The following TP53BP1 variants were observed in gnomAD, a reference collection of about 807,000 sequenced individuals.
TP53BP1 encodes the protein tumor protein p53 binding protein 1.
In TP53BP1, 61 loss-of-function variants were observed where a neutral mutation model predicts 200.8. The ratio of observed to expected loss-of-function variants is 0.30; its 90% CI spans 0.25 to 0.38. The LOEUF is 0.38. TP53BP1 is among the 10% of genes least tolerant of loss of function. TP53BP1 has a pLI of 1.00. For synonymous variants in TP53BP1, 822 were observed against 844.3 expected, an observed-to-expected ratio of 0.97 and a Z score of 0.46; for missense variants, 2,144 against 2,371.9, an observed-to-expected ratio of 0.90 and a Z score of 2.00.
chr15:43,457,207 A>C lies in TP53BP1; in HGVS notation c.1401T>G (p.Ile467Met), dbSNP rs758267028. The change falls in exon 12 of 28, where the codon ATT becomes ATG. Residue 467 changes from isoleucine (I) to methionine (M), a missense_variant. This residue lies in a region of TP53BP1 where 1,700 missense variants were observed against 1,710.3 expected (regional missense o/e 0.99). Coordinates refer to ENST00000382044, the MANE Select transcript of TP53BP1 (RefSeq NM_001141980.3). ...ATTGTTCTTCCAGACTTGGGGAAGG[A>C]ATAAAAATGTCCTAAGGAAGAACAG... ...SQPQFSHDIF[I>M]PSPSLEEQSN... 1 of 1,605,610 alleles carries C rather than the reference A, an allele frequency of 6.2e-7. No individual in the cohort carries two copies. Among genetic ancestry groups the C allele is most frequent in the South Asian group, 1.1e-5 (1 of 89,706 alleles).
Position 43,406,335 on chromosome 15 carries a change from A to G in TP53BP1, c.*1048T>C. 7.0e-6 allele frequency: 2 copies of G among 284,510 alleles called. No homozygotes were observed. The highest frequency in any genetic ancestry group is 1.4e-5 in the Non-Finnish European group (2 of 143,132). The allele number at this position is 284,510 out of a possible 1,614,324, so 17.6% of individuals were successfully genotyped here. The stretch of plus-strand genomic sequence containing the variant: ...CACTGCATCTGGTTTTCATCACTAC[A>G]TATTCTACACACACTGGGAAGCTCT... On this transcript the variant is annotated 3_prime_UTR_variant, in exon 28 of 28. Transcript: ENST00000382044.
At chr15:43,423,048 G>A (rs2045442201) in intron 18 of TP53BP1, among the ~76,000 whole-genome samples, 1 of 149,298 alleles carries the variant, frequency 6.7e-6, no homozygotes. Flanking sequence ...GAAAAATGAA[G>A]GACAAAAAGG....
In TP53BP1 at chr15:43,480,968, TTC is replaced by T. The variant is rs1163711802; in HGVS notation, c.424_425del (p.Glu142ArgfsTer24). The T allele has an allele frequency of 6.2e-7, 1 of 1,614,080 alleles. No homozygotes were observed. Among genetic ancestry groups the T allele is most frequent in the Non-Finnish European group, 8.5e-7 (1 of 1,179,972 alleles). The part of the protein sequence containing the change: ...SAPAVEEEKG[E>X]ELEQKEKEKE... ...TCTCTTTCTCCTTCTGTTCCAACTC[TTC>T]TCCCTTCTCTTCCTCCACAGCAGGA... On this transcript the variant is annotated frameshift_variant, in exon 5 of 28. Coordinates refer to ENST00000382044, the MANE Select transcript of TP53BP1 (RefSeq NM_001141980.3). LOFTEE classifies it high-confidence loss of function.
intron 1 of TP53BP1, among the ~76,000 whole-genome samples, chr15:43,504,164 G>C (rs753531954): frequency 5.9e-5 from 9 of 152,106 alleles, no homozygotes; most frequent in Non-Finnish European, 1.2e-4. Context: ...AATTTTTTGA[G>C]ACAGAGTCTT....
chr15:43,458,536 T>C (rs1005882716), intron 11 of TP53BP1, among the ~76,000 whole-genome samples: 1 of 152,038 alleles, frequency 6.6e-6, no homozygotes, highest in Non-Finnish European at 1.5e-5. Context: ...CCCAGCACTT[T>C]GGGGAGGCTG....
At chr15:43,444,869 A>C (rs1017372900) in intron 14 of TP53BP1, among the ~76,000 whole-genome samples, 2 of 152,074 alleles carry the variant, frequency 1.3e-5, no homozygotes, top group Admixed American at 6.5e-5. Flanking sequence ...CCTCGTCTTT[A>C]ATCTATGCCT....
At chr15:43,491,224 G>A (rs1251746174) in intron 4 of TP53BP1, among the ~76,000 whole-genome samples, 1 of 151,972 alleles carries the variant, frequency 6.6e-6, no homozygotes, top group Non-Finnish European at 1.5e-5. Flanking sequence ...GGGATTACAG[G>A]CACGCACCAC....
At chr15:43,498,246 A>T (rs1194187005) in intron 1 of TP53BP1, among the ~76,000 whole-genome samples, 1 of 152,224 alleles carries the variant, frequency 6.6e-6, no homozygotes, top group African/African-American at 2.4e-5. Context: ...TATATACATG[A>T]TCTCAAAGTA....
upstream of TP53BP1, among the ~76,000 whole-genome samples, chr15:43,495,880 C>A (rs968571824): frequency 6.6e-6 from 1 of 151,312 alleles, no homozygotes; most frequent in African/African-American, 2.4e-5. Flanking sequence ...ATGAGTGAGC[C>A]ATTTGCATTA....
rs746624655 is a variant in TP53BP1, at chr15:43,477,642, A to G, written c.906T>C (p.Pro302=). The change falls in exon 8 of 28, where the codon CCT becomes CCC. Residue 302 remains proline (P), a synonymous_variant. Coordinates refer to ENST00000382044, the MANE Select transcript of TP53BP1 (RefSeq NM_001141980.3). The part of the protein sequence containing the change: ...SGLQIQKSPE[P]EVLSTQEDLF... ...AGTCTTCCTGAGTTGACAAAACCTC[A>G]GGCTCTGGTGACTTCTGAATCTGCA... 2 of 1,613,684 alleles carry G rather than the reference A, an allele frequency of 1.2e-6. No individual in the cohort carries two copies. The highest frequency in any genetic ancestry group is 3.3e-5 in the Admixed American group (2 of 59,862).
At chr15:43,493,985 T>A (rs2079162902), upstream of TP53BP1, among the ~76,000 whole-genome samples, 1 of 152,164 alleles carries the variant, frequency 6.6e-6, no homozygotes, top group Non-Finnish European at 1.5e-5. Flanking sequence ...GAGATTCTAT[T>A]ATCCTAATTA....
intron 23 of TP53BP1, 101 bp from the exon 24 acceptor site, chr15:43,413,435 C>T (rs1006553576): frequency 1.5e-5 from 14 of 916,658 alleles, no homozygotes; most frequent in Non-Finnish European, 2.2e-5. Flanking sequence ...ACCTGATGGG[C>T]AGGCACTGTC....
chr15:43,409,740 T>C lies in TP53BP1; in HGVS notation c.5307A>G (p.Glu1769=). Residue 1769 remains glutamate (E), a splice_region_variant and synonymous_variant, in exon 25 of 28, where the codon GAA becomes GAG. Transcript: ENST00000382044. ...GPTGSSEEEE[E]FLEIPPFNKQ... is the part of the protein sequence containing the mutation. ...TGTTGAAAGGAGGAATTTCCAAAAA[T>C]TCTATATTAAAAAAAAAAACCAAGA... The C allele has an allele frequency of 6.7e-7, 1 of 1,496,902 alleles. No individual in the cohort carries two copies. Among genetic ancestry groups the C allele is most frequent in the Non-Finnish European group, 9.0e-7 (1 of 1,108,106 alleles). The allele number at this position is 1,496,902 out of a possible 1,614,324, so 92.7% of individuals were successfully genotyped here. A position where few individuals can be genotyped will look rare whatever the true frequency, so the allele number is the denominator to read the frequency against.
chr15:43,447,236 C>T lies in TP53BP1; in HGVS notation c.2836+130G>A, dbSNP rs902113262. 59 of 905,558 alleles carry T rather than the reference C, an allele frequency of 6.5e-5. No homozygotes were observed. In the African/African-American group the frequency reaches 8.1e-4, roughly 12 times the overall value. 56.1% of individuals were successfully genotyped at this position (905,558 alleles called of 1,614,324 possible). ...AAAATCACAGAACCAGACTTCATAA[C>T]CCTATTTTCCCTAAAACAAAAATCA... is the stretch of plus-strand genomic sequence containing the variant. On this transcript the variant is annotated intron_variant, in intron 13 of 27. Transcript: ENST00000382044.
chr15:43,469,518 T>TA (rs982913705), intron 11 of TP53BP1, among the ~76,000 whole-genome samples: 1 of 151,970 alleles, frequency 6.6e-6, no homozygotes, highest in African/African-American at 2.4e-5. Context: ...AAAAATTTAT[T>TA]AAAAAAAACC....
At chr15:43,413,889 C>T (rs981109296) in intron 23 of TP53BP1, among the ~76,000 whole-genome samples, 1 of 152,092 alleles carries the variant, frequency 6.6e-6, no homozygotes, top group Non-Finnish European at 1.5e-5. Context: ...GCAGAGAATA[C>T]TTGGTAATAA....
chr15:43,484,996 T>G (rs569868484), intron 4 of TP53BP1, among the ~76,000 whole-genome samples: 1 of 152,200 alleles, frequency 6.6e-6, no homozygotes, highest in South Asian at 2.1e-4. Context: ...GAGATCCTCC[T>G]GCCTCGGCCT....
At chr15:43,473,783 C>A (rs185104732) in intron 10 of TP53BP1, among the ~76,000 whole-genome samples, 1 of 152,388 alleles carries the variant, frequency 6.6e-6, no homozygotes, top group African/African-American at 2.4e-5. Context: ...CACGTCCTCA[C>A]CAGACTCAGC....
rs1055041761 is a variant in TP53BP1 at position 43,404,845 on chromosome 15, T to C, written c.*2538A>G. ...GGGCCTTCCACTCCCAATTCTGATA[T>C]GAACTAGCTGTGCAGCCGTGGGCAC... is the stretch of plus-strand genomic sequence containing the variant. On this transcript the variant is annotated 3_prime_UTR_variant, in exon 28 of 28. Transcript: ENST00000382044. 6.9e-5 allele frequency: 33 copies of C among 478,770 alleles called. No individual in the cohort carries two copies. In the Admixed American group the frequency reaches 1.1e-3, roughly 17 times the overall value. 29.7% of individuals were successfully genotyped at this position (478,770 alleles called of 1,614,324 possible). A position where few individuals can be genotyped will look rare whatever the true frequency, so the allele number is the denominator to read the frequency against.
Sources: gnomAD v4.1 joint callset for allele counts (sites outside exome capture counted in the v4.1 genomes callset) on GRCh38, gnomAD v4.1.1 for gene constraint, gnomAD v4.1.1 regional missense constraint, MANE v1.5 for transcripts, NCBI Gene and HGNC (gene_info 2026-07-23, HGNC 2026-07-21) for gene names.